Variants in CLEC1A observed in about 807,000 individuals in gnomAD.
CLEC1A encodes the protein C-type lectin-like receptor-1.
CLEC1A carries 34 observed loss-of-function variants against 28.7 expected under a neutral mutation model. The observed-to-expected ratio is 1.18, with a 90% CI of 0.90 to 1.57. The LOEUF (loss-of-function observed/expected upper bound fraction) is 1.57, where lower values mean the gene tolerates loss of function less well. Ranked by LOEUF, CLEC1A falls within the 40% of genes most tolerant of loss-of-function variation. The probability of loss-of-function intolerance (pLI) is 0.00; values close to 1 mark genes in which losing one functional copy is unlikely to be tolerated. For synonymous variants in CLEC1A, 116 were observed against 121.0 expected (o/e 0.96, Z 0.27); for missense variants, 385 against 339.5 (o/e 1.13, Z -1.05).
intron 1 of CLEC1A, among the ~76,000 whole-genome samples, chr12:10,094,384 C>G (rs1947749591): frequency 6.6e-6 from 1 of 151,838 alleles, no homozygotes; most frequent in Non-Finnish European, 1.5e-5. Context: ...GCAATAGTTA[C>G]TAATGAACTA....
chr12:10,074,782 GTTAAGAA>G (rs1204132900), intron 4 of CLEC1A, among the ~76,000 whole-genome samples: 1 of 152,076 alleles, frequency 6.6e-6, no homozygotes, highest in Non-Finnish European at 1.5e-5. Flanking sequence ...TTAGAATGAT[GTTAAGAA>G]TTTGTGTAGT....
intron 2 of CLEC1A, among the ~76,000 whole-genome samples, chr12:10,085,196 AACACACACACACACACACACAC>A (rs144572464): frequency 5.4e-5 from 7 of 129,076 alleles, no homozygotes; most frequent in African/African-American, 8.6e-5. Flanking sequence ...ATAAGACAAT[AACACACACACACACACACACAC>A]ACACACACAC....
At chr12:10,092,760 T>A (rs1310623649) in intron 1 of CLEC1A, among the ~76,000 whole-genome samples, 9 of 152,052 alleles carry the variant, frequency 5.9e-5, no homozygotes, top group Admixed American at 5.9e-4. Context: ...AAAAAATACA[T>A]GATCCTTCCT....
Position 10,070,342 on chromosome 12 carries a change from A to G in CLEC1A, c.*991T>C, listed in dbSNP as rs1866099390. 6.6e-6 allele frequency: 1 copy of G among 152,256 alleles called. No individual in the cohort carries two copies. The highest frequency in any genetic ancestry group is 2.1e-4 in the South Asian group (1 of 4,838). The allele number at this position is 152,256 out of a possible 1,614,324, so 9.4% of individuals were successfully genotyped here. A position where few individuals can be genotyped will look rare whatever the true frequency, so the allele number is the denominator to read the frequency against. On this transcript the variant is annotated 3_prime_UTR_variant, in exon 6 of 6. Coordinates refer to ENST00000315330, the MANE Select transcript of CLEC1A (RefSeq NM_016511.4). ...GACATCTTATTTTCTCCAGATAATC[A>G]TGTAATCAGTACTCTTGTAAATTCC...
intron 1 of CLEC1A, among the ~76,000 whole-genome samples, chr12:10,090,792 C>A (rs1451256194): frequency 6.8e-6 from 1 of 147,576 alleles, no homozygotes; most frequent in East Asian, 1.9e-4. Context: ...GAATAAAATA[C>A]AAATCACTTT....
At chr12:10,086,542 G>C (rs1453902596) in intron 2 of CLEC1A, among the ~76,000 whole-genome samples, 2 of 151,974 alleles carry the variant, frequency 1.3e-5, no homozygotes, top group Non-Finnish European at 2.9e-5. Context: ...AAATACGAAA[G>C]ATCACAAAGT....
intron 2 of CLEC1A, among the ~76,000 whole-genome samples, chr12:10,087,782 C>A (rs2137360270): frequency 6.6e-6 from 1 of 151,004 alleles, no homozygotes; most frequent in Middle Eastern, 3.4e-3. Context: ...CTCAGCCTCC[C>A]AAAGTGCTGG....
At chr12:10,096,328 C>A (rs12370211) in intron 1 of CLEC1A, among the ~76,000 whole-genome samples, 114,772 of 151,966 alleles carry the variant, frequency 0.76, 45,092 homozygotes, top group Non-Finnish European at 0.88. Context: ...TTCCTTGTCT[C>A]CTCACATGTA....
intron 1 of CLEC1A, among the ~76,000 whole-genome samples, 167 bp downstream of exon 1, chr12:10,098,641 G>A (rs535146103): frequency 1.8e-5 from 2 of 111,362 alleles, no homozygotes; most frequent in South Asian, 5.4e-4. Context: ...TGGGAATTAT[G>A]GAACTGAATA....
chr12:10,089,548 A>G (rs1256897664), intron 1 of CLEC1A, among the ~76,000 whole-genome samples: 1 of 151,966 alleles, frequency 6.6e-6, no homozygotes, highest in African/African-American at 2.4e-5. Flanking sequence ...AATTCTAATT[A>G]TGAAAGACTC....
chr12:10,072,960 G>A (rs1301485797), intron 5 of CLEC1A, among the ~76,000 whole-genome samples: 1 of 152,128 alleles, frequency 6.6e-6, no homozygotes, highest in Non-Finnish European at 1.5e-5. Flanking sequence ...CACGCCTGTA[G>A]TCCGAGCTAC....
chr12:10,076,205 A>G (rs1364951250), intron 3 of CLEC1A, among the ~76,000 whole-genome samples: 1 of 152,190 alleles, frequency 6.6e-6, no homozygotes, highest in African/African-American at 2.4e-5. Flanking sequence ...AAGTATGGGT[A>G]GTGATCGCAA....
chr12:10,098,747 T>G lies in CLEC1A; in HGVS notation c.115+61A>C, dbSNP rs1474168964. 1.2e-5 allele frequency: 12 copies of G among 1,017,496 alleles called. No homozygotes were observed. In the East Asian group the frequency reaches 2.8e-4, roughly 24 times the overall value. The allele number at this position is 1,017,496 out of a possible 1,614,324, so 63.0% of individuals were successfully genotyped here. On this transcript the variant is annotated intron_variant, in intron 1 of 5. Transcript: ENST00000315330. ...TAAATATCTCCATTTCTAGGAGGGATAGATCATCTCACACATTTCACAAGG... is the reference window on the plus strand; with the variant it reads ...TAAATATCTCCATTTCTAGGAGGGAGAGATCATCTCACACATTTCACAAGG...
rs1266449325 is a variant in CLEC1A at position 10,070,318 on chromosome 12, A to G, written c.*1015T>C. The G allele has an allele frequency of 6.6e-6, 1 of 152,240 alleles. No individual in the cohort carries two copies. The highest frequency in any genetic ancestry group is 2.4e-5 in the African/African-American group (1 of 41,464). The allele number at this position is 152,240 out of a possible 1,614,324, so 9.4% of individuals were successfully genotyped here. A position where few individuals can be genotyped will look rare whatever the true frequency, so the allele number is the denominator to read the frequency against. ...CTTGAAGCCAACACGTATTTCAAAG[A>G]CATCTTATTTTCTCCAGATAATCAT... On this transcript the variant is annotated 3_prime_UTR_variant, in exon 6 of 6. Coordinates refer to ENST00000315330, the MANE Select transcript of CLEC1A (RefSeq NM_016511.4).
intron 2 of CLEC1A, among the ~76,000 whole-genome samples, chr12:10,084,735 T>C (rs1003811986): frequency 2.8e-5 from 4 of 143,384 alleles, no homozygotes; most frequent in African/African-American, 1.0e-4. Context: ...GGCAGGAGAA[T>C]GGCATGAACC....
intron 2 of CLEC1A, chr12:10,084,237 G>A (rs1866431313): frequency 6.6e-6 from 1 of 152,298 alleles, no homozygotes. Flanking sequence ...GATTGCCAGT[G>A]TTGATTCAGC....
At chr12:10,088,145 T>C (rs1228474188) in intron 2 of CLEC1A, among the ~76,000 whole-genome samples, 1 of 152,136 alleles carries the variant, frequency 6.6e-6, no homozygotes, top group Admixed American at 6.5e-5. Context: ...CCTAACATCA[T>C]TTGACTAGAA....
intron 1 of CLEC1A, among the ~76,000 whole-genome samples, chr12:10,093,005 C>T (rs1947726763): frequency 6.6e-6 from 1 of 152,154 alleles, no homozygotes; most frequent in Non-Finnish European, 1.5e-5. Flanking sequence ...GGGAGTTCAT[C>T]TTCCAGGAAA....
At chr12:10,076,338 T>G (rs749563792) in intron 3 of CLEC1A, among the ~76,000 whole-genome samples, 1 of 152,184 alleles carries the variant, frequency 6.6e-6, no homozygotes, top group Non-Finnish European at 1.5e-5. Flanking sequence ...AGAACCCAAG[T>G]CATATCTATA....
Sources: gnomAD v4.1 joint callset for allele counts (sites outside exome capture counted in the v4.1 genomes callset) on GRCh38, gnomAD v4.1.1 for gene constraint, MANE v1.5 for transcripts, NCBI Gene and HGNC (gene_info 2026-07-23, HGNC 2026-07-21) for gene names.